CNKSR2: variants seen among roughly 807,000 people sequenced by gnomAD.
CNKSR2 encodes CNK homolog protein 2.
A neutral mutation model predicts 84.4 loss-of-function variants in CNKSR2; 14 were observed. The ratio of observed to expected loss-of-function variants is 0.17; its 90% confidence interval spans 0.11 to 0.26. The LOEUF is 0.26. Ranked by LOEUF, CNKSR2 falls within the 10% of genes least tolerant of loss-of-function variation. The pLI, the probability that CNKSR2 is intolerant of heterozygous loss-of-function variation, is 1.00. For missense variants in CNKSR2, 485 were observed against 771.2 expected, an observed-to-expected ratio of 0.63 and a Z score of 4.40; for synonymous variants, 275 against 277.9, an observed-to-expected ratio of 0.99 and a Z score of 0.10.
At chrX:21,584,621 T>G (rs1481373759) in intron 13 of CNKSR2, among the ~76,000 whole-genome samples, 1 of 112,148 alleles carries the variant, frequency 8.9e-6, no homozygotes. Context: ...AAAGCCTTTG[T>G]GTAATGACTT....
At chrX:21,555,720 C>T (rs2082489772) in intron 11 of CNKSR2, among the ~76,000 whole-genome samples, 2 of 111,365 alleles carry the variant, frequency 1.8e-5, no homozygotes, top group Non-Finnish European at 3.8e-5. Flanking sequence ...TTTTCTGAGA[C>T]TCTAGAGAAA....
chrX:21,605,514 TA>T (rs1282227421), intron 18 of CNKSR2, among the ~76,000 whole-genome samples: 1 of 111,421 alleles, frequency 9.0e-6, no homozygotes, highest in African/African-American at 3.3e-5. Context: ...CAGGAGGAGA[TA>T]GGGGGATAAA....
chrX:21,415,837 C>T lies in CNKSR2; in HGVS notation c.65-10660C>T, dbSNP rs1177592880. On this transcript the variant is annotated intron_variant, in intron 1 of 21. Coordinates refer to ENST00000379510, the MANE Select transcript of CNKSR2 (RefSeq NM_014927.5). Reference sequence around the variant, plus strand: ...TACAATACATATATACATATATACACACACACACACACACACACACACACA... The same window carrying T: ...TACAATACATATATACATATATACATACACACACACACACACACACACACA... Among the ~76,000 whole-genome samples the T allele has an allele frequency of 6.9e-3, 321 of 46,393 alleles. 3 individuals carry two copies. The highest frequency in any genetic ancestry group is 9.5e-3 in the Non-Finnish European group (272 of 28,745). 40.3% of individuals were successfully genotyped at this position (46,393 alleles called of 115,157 possible).
intron 17 of CNKSR2, among the ~76,000 whole-genome samples, chrX:21,599,644 C>T (rs2092470659): frequency 9.0e-6 from 1 of 110,879 alleles, no homozygotes. Flanking sequence ...GGATTATAGG[C>T]GTGAGCCACC....
intron 11 of CNKSR2, among the ~76,000 whole-genome samples, chrX:21,540,635 A>G (rs889363610): frequency 1.8e-5 from 2 of 112,099 alleles, no homozygotes; most frequent in African/African-American, 6.5e-5. Flanking sequence ...GCACTATGTA[A>G]GTCTTTTATC....
At chrX:21,507,714 CAT>C (rs1233881103) in intron 8 of CNKSR2, among the ~76,000 whole-genome samples, 1 of 111,348 alleles carries the variant, frequency 9.0e-6, no homozygotes, top group Non-Finnish European at 1.9e-5. Flanking sequence ...CATTTTTAAA[CAT>C]ATTACTTTTT....
intron 13 of CNKSR2, among the ~76,000 whole-genome samples, chrX:21,575,331 TA>T (rs746030620): frequency 2.9e-4 from 31 of 108,168 alleles, no homozygotes; most frequent in Middle Eastern, 9.4e-3. Flanking sequence ...GTTTTTTTAT[TA>T]AAAAAAAAAT....
chrX:21,516,141 T>A (rs767152198), intron 8 of CNKSR2, among the ~76,000 whole-genome samples: 25 of 111,572 alleles, frequency 2.2e-4, no homozygotes, highest in Non-Finnish European at 4.5e-4. Context: ...ATTTTTTAAC[T>A]GTACTTGTGA....
At chrX:21,630,850 T>A (rs1239040612) in intron 20 of CNKSR2, among the ~76,000 whole-genome samples, 4 of 111,032 alleles carry the variant, frequency 3.6e-5, no homozygotes, top group Non-Finnish European at 7.5e-5. Context: ...AAATTTACCT[T>A]TTATTAGTAG....
At chrX:21,538,662 G>A (rs1338923814) in intron 11 of CNKSR2, 1 of 112,483 alleles carries the variant, frequency 8.9e-6, no homozygotes, top group Non-Finnish European at 1.9e-5. Flanking sequence ...GAGGAGTAAG[G>A]AAGCCAGTAG....
chrX:21,526,819 TTG>T lies in CNKSR2; in HGVS notation c.958-42_958-41del, dbSNP rs1259992464. The T allele has an allele frequency of 5.0e-6, 5 of 1,009,749 alleles. No homozygotes were observed. The Admixed American group carries it at 9.6e-5, about 19-fold the overall frequency. 83.2% of individuals were successfully genotyped at this position (1,009,749 alleles called of 1,213,427 possible). On this transcript the variant is annotated intron_variant, in intron 9 of 21. Coordinates refer to ENST00000379510, the MANE Select transcript of CNKSR2 (RefSeq NM_014927.5). Reference sequence around the variant, plus strand: ...TGTTGTTGTTGTTGTTGTTGTTGTTTTGTGTGTTGTTTGTGTGCGTATGTATT... The same window carrying T: ...TGTTGTTGTTGTTGTTGTTGTTGTTTTGTGTTGTTTGTGTGCGTATGTATT...
chrX:21,558,909 G>A (rs1226406077), intron 11 of CNKSR2, among the ~76,000 whole-genome samples: 1 of 111,348 alleles, frequency 9.0e-6, no homozygotes, highest in Non-Finnish European at 1.9e-5. Flanking sequence ...TGTAAAAACA[G>A]TGCTAGAGCT....
chrX:21,558,230 G>T (rs896508874), intron 11 of CNKSR2, among the ~76,000 whole-genome samples: 5 of 111,065 alleles, frequency 4.5e-5, no homozygotes, highest in African/African-American at 1.6e-4. Flanking sequence ...TTTTCAGTCT[G>T]CCATGGACTG....
intron 1 of CNKSR2, among the ~76,000 whole-genome samples, chrX:21,410,533 T>G (rs1270217783): frequency 9.0e-6 from 1 of 111,334 alleles, no homozygotes; most frequent in Admixed American, 9.6e-5. Context: ...AAAAATTGAG[T>G]ATCACCACTT....
intron 1 of CNKSR2, among the ~76,000 whole-genome samples, chrX:21,388,523 T>C (rs972981065): frequency 1.2e-4 from 14 of 112,036 alleles, no homozygotes; most frequent in African/African-American, 4.5e-4. Flanking sequence ...AAAAACACAA[T>C]GATGAGGGCA....
intron 20 of CNKSR2, chrX:21,645,383 G>A (rs2092703930): frequency 8.9e-6 from 1 of 112,178 alleles, no homozygotes; most frequent in Admixed American, 9.5e-5. Flanking sequence ...TAATTTACAT[G>A]TTGTAAACGT....
In CNKSR2 at chrX:21,432,806, G is replaced by C; in HGVS notation, c.423G>C (p.Trp141Cys). 8.3e-7 allele frequency: 1 copy of C among 1,207,915 alleles called. No individual in the cohort carries two copies. Among genetic ancestry groups the C allele is most frequent in the Non-Finnish European group, 1.1e-6 (1 of 893,990 alleles). ...LIGAAKSLLA[W>C]LDRSPFAAVT... is the part of the protein sequence containing the mutation. The stretch of plus-strand genomic sequence containing the variant: ...GAGCAGCCAAGAGTCTGCTTGCCTG[G>C]TTGGACAGGTAAAGTCTTCCGCATG... The change falls in exon 3 of 22, where the codon TGG becomes TGC. Residue 141 changes from tryptophan to cysteine, a missense_variant. By Grantham distance (215) the Trp-to-Cys change is radical (BLOSUM62 -2). Coordinates refer to ENST00000379510, the MANE Select transcript of CNKSR2 (RefSeq NM_014927.5).
At position 21,614,121 on chromosome X, in the gene CNKSR2, G is replaced by A. The variant is rs756534951; in HGVS notation, c.2692+4504G>A. Among the ~76,000 whole-genome samples, 3 of 110,946 alleles carry A rather than the reference G, an allele frequency of 2.7e-5. No individual in the cohort carries two copies. The East Asian group carries it at 8.4e-4, about 31-fold the overall frequency. On this transcript the variant is annotated intron_variant, in intron 20 of 21. Coordinates refer to ENST00000379510, the MANE Select transcript of CNKSR2 (RefSeq NM_014927.5). The stretch of plus-strand genomic sequence containing the variant: ...AAAATCTTAAATTATTAGGGCATAG[G>A]GGCTAGATTATGAGTACAAATACAG...
intron 5 of CNKSR2, among the ~76,000 whole-genome samples, chrX:21,473,777 C>T (rs1485540762): frequency 2.2e-4 from 15 of 68,867 alleles, no homozygotes; most frequent in East Asian, 4.1e-4. Context: ...GACAGAGTCT[C>T]GCTCTGTCAC....
Sources: gnomAD v4.1 joint callset for allele counts (sites outside exome capture counted in the v4.1 genomes callset) on GRCh38, gnomAD v4.1.1 for gene constraint, MANE v1.5 for transcripts, NCBI Gene and HGNC (gene_info 2026-07-23, HGNC 2026-07-21) for gene names.